Variants in UNC13C observed in about 807,000 individuals in gnomAD.
UNC13C encodes unc-13 homolog C.
Under a neutral mutation model 245.4 loss-of-function variants are expected in UNC13C, and 174 were observed. The ratio of observed to expected loss-of-function variants is 0.71; its 90% CI spans 0.63 to 0.80. The LOEUF is 0.80. Among genes scored for constraint, UNC13C ranks in the 30% least tolerant of loss-of-function variants. The pLI is 0.00. For synonymous variants in UNC13C, 992 were observed against 895.1 expected (o/e 1.11, Z -1.93); for missense variants, 2,829 against 2,602.9 (o/e 1.09, Z -1.89).
At chr15:54,190,164 A>G (rs1237596955) in intron 4 of UNC13C, among the ~76,000 whole-genome samples, 1 of 152,118 alleles carries the variant, frequency 6.6e-6, no homozygotes, top group Non-Finnish European at 1.5e-5. Context: ...TCTTACCTCC[A>G]TTAGGGTGAT....
At chr15:54,548,626 C>T (rs1286395147) in intron 27 of UNC13C, among the ~76,000 whole-genome samples, 1 of 152,024 alleles carries the variant, frequency 6.6e-6, no homozygotes, top group Non-Finnish European at 1.5e-5. Flanking sequence ...CTGTTTTTCC[C>T]ATAAGCCCTA....
At chr15:54,112,231 C>T (rs1468979813) in intron 2 of UNC13C, among the ~76,000 whole-genome samples, 1 of 152,126 alleles carries the variant, frequency 6.6e-6, no homozygotes, top group Non-Finnish European at 1.5e-5. Flanking sequence ...AGGACATGAA[C>T]ACTTGTGGAG....
chr15:54,183,851 A>G (rs1412415082), intron 4 of UNC13C, among the ~76,000 whole-genome samples: 2 of 151,956 alleles, frequency 1.3e-5, no homozygotes, highest in Non-Finnish European at 2.9e-5. Flanking sequence ...GCACAGGGAG[A>G]GGAACAATTT....
chr15:54,131,560 C>T (rs186046148), intron 2 of UNC13C, among the ~76,000 whole-genome samples: 22 of 152,292 alleles, frequency 1.4e-4, no homozygotes, highest in Admixed American at 1.1e-3. Context: ...CTTCCCAGGA[C>T]GTGAGTCATC....
intron 29 of UNC13C, 133 bp downstream of exon 29, chr15:54,555,645 T>G (rs912123671): frequency 7.5e-6 from 5 of 667,366 alleles, no homozygotes; most frequent in Non-Finnish European, 1.3e-5. Flanking sequence ...TGAATAGATA[T>G]AGGTTGGTGC....
intron 8 of UNC13C, among the ~76,000 whole-genome samples, chr15:54,255,923 T>C (rs111231933): frequency 2.0e-5 from 3 of 152,318 alleles, no homozygotes; most frequent in African/African-American, 7.2e-5. Flanking sequence ...AGACTAATAA[T>C]GGAGCATTTT....
At chr15:53,877,108 G>T in the UNC13C span, among the ~76,000 whole-genome samples, 7 of 152,152 alleles carry the variant, frequency 4.6e-5, no homozygotes, top group Admixed American at 3.9e-4. Context: ...TCTGAAAGTG[G>T]TTTCTGTCAG....
chr15:54,336,060 AT>A (rs2038566834), intron 16 of UNC13C, among the ~76,000 whole-genome samples: 2 of 151,766 alleles, frequency 1.3e-5, no homozygotes, highest in Non-Finnish European at 2.9e-5. Context: ...GGAGGGGTTG[AT>A]TTTCTATCTG....
At chr15:53,891,407 C>A in the UNC13C span, among the ~76,000 whole-genome samples, 4 of 152,044 alleles carry the variant, frequency 2.6e-5, no homozygotes, top group Admixed American at 2.0e-4. Flanking sequence ...AGTTCAGGTC[C>A]TGGATATCCT....
In UNC13C at chr15:54,293,886, T is replaced by C; in HGVS notation, c.3819-9T>C. On this transcript the variant is annotated splice_polypyrimidine_tract_variant and intron_variant, in intron 10 of 32. Transcript: ENST00000260323. Reference sequence around the variant, plus strand: ...CAATTGTTGTTAACTTATCCACATTTATTTTCAGTGAGTGTCATAACTCCA... The same window carrying C: ...CAATTGTTGTTAACTTATCCACATTCATTTTCAGTGAGTGTCATAACTCCA... 1 of 1,531,844 alleles carries C rather than the reference T, an allele frequency of 6.5e-7. No individual in the cohort carries two copies. Among genetic ancestry groups the C allele is most frequent in the Non-Finnish European group, 8.7e-7 (1 of 1,144,688 alleles). 94.9% of individuals were successfully genotyped at this position (1,531,844 alleles called of 1,614,324 possible).
chr15:54,133,022 ATATC>A (rs1450562373), intron 2 of UNC13C, among the ~76,000 whole-genome samples: 3 of 152,218 alleles, frequency 2.0e-5, no homozygotes, highest in African/African-American at 7.2e-5. Flanking sequence ...TAAATTGACT[ATATC>A]TATCCATCTT....
the UNC13C span, chr15:53,955,763 AC>A: frequency 1.3e-5 from 2 of 152,208 alleles, no homozygotes; most frequent in Non-Finnish European, 2.9e-5. Context: ...TAGCACAGCC[AC>A]TTACCTTCCC....
intron 2 of UNC13C, among the ~76,000 whole-genome samples, chr15:54,082,439 T>C (rs893750821): frequency 3.9e-5 from 6 of 152,196 alleles, no homozygotes; most frequent in South Asian, 2.1e-4. Context: ...CATAGCCCCA[T>C]GTTTCTTATG....
intron 2 of UNC13C, among the ~76,000 whole-genome samples, chr15:54,048,370 A>G (rs1897130288): frequency 6.6e-6 from 1 of 152,212 alleles, no homozygotes; most frequent in Non-Finnish European, 1.5e-5. Flanking sequence ...GTAAGCAACA[A>G]CCGTATCAAC....
At chr15:53,859,441 C>T in the UNC13C span, among the ~76,000 whole-genome samples, 3 of 152,168 alleles carry the variant, frequency 2.0e-5, no homozygotes, top group Non-Finnish European at 2.9e-5. Flanking sequence ...CCAGGTTTGT[C>T]GATATTTCTT....
intron 30 of UNC13C, among the ~76,000 whole-genome samples, chr15:54,608,431 G>A (rs894143885): frequency 1.3e-5 from 2 of 152,118 alleles, no homozygotes; most frequent in African/African-American, 4.8e-5. Flanking sequence ...GAATTCAAAT[G>A]CAAATCTTTC....
At chr15:53,985,281 A>C (rs567340254) in intron 1 of UNC13C, among the ~76,000 whole-genome samples, 120 of 149,060 alleles carry the variant, frequency 8.1e-4, no homozygotes, top group Non-Finnish European at 1.4e-3. Context: ...ATGAACTCAT[A>C]CTTTTTTATG....
chr15:54,474,230 T>C (rs1892608085), intron 19 of UNC13C, among the ~76,000 whole-genome samples: 1 of 151,994 alleles, frequency 6.6e-6, no homozygotes, highest in African/African-American at 2.4e-5. Context: ...GTCTTATTTT[T>C]AGTTTTTATG....
At chr15:54,586,104 A>G (rs146553517) in intron 30 of UNC13C, among the ~76,000 whole-genome samples, 1 of 152,214 alleles carries the variant, frequency 6.6e-6, no homozygotes, top group Non-Finnish European at 1.5e-5. Flanking sequence ...CTTTGAGAAC[A>G]GTATCCTTGG....
Sources: gnomAD v4.1 joint callset for allele counts (sites outside exome capture counted in the v4.1 genomes callset) on GRCh38, gnomAD v4.1.1 for gene constraint, MANE v1.5 for transcripts, NCBI Gene and HGNC (gene_info 2026-07-23, HGNC 2026-07-21) for gene names.